NIBAN1: variants seen among roughly 807,000 people sequenced by gnomAD.
NIBAN1 encodes the protein niban apoptosis regulator 1, also known as protein Niban 1.
A neutral mutation model predicts 75.1 loss-of-function variants in NIBAN1; 81 were observed. That is an observed-to-expected ratio of 1.08 (90% CI 0.90 to 1.30). The LOEUF is 1.30. Ranked by LOEUF, NIBAN1 falls within the 50% of genes most tolerant of loss-of-function variation. NIBAN1 has a pLI of 0.00. For missense variants in NIBAN1, 1,133 were observed against 1,128.1 expected (o/e 1.00, Z -0.06); for synonymous variants, 436 against 424.8 (o/e 1.03, Z -0.32).
chr1:184,933,515 A>T (rs563611006), intron 1 of NIBAN1, among the ~76,000 whole-genome samples: 171 of 152,352 alleles, frequency 1.1e-3, no homozygotes, highest in Non-Finnish European at 2.1e-3. Context: ...GCACTTTCAC[A>T]TGCATTTATA....
chr1:184,854,328 A>G (rs571536184), intron 5 of NIBAN1, among the ~76,000 whole-genome samples: 86 of 152,314 alleles, frequency 5.6e-4, no homozygotes, highest in African/African-American at 1.9e-3. Context: ...TTACAAAGGG[A>G]TCTGTTTTAT....
At chr1:184,853,748 CAT>C (rs1491433277) in intron 5 of NIBAN1, among the ~76,000 whole-genome samples, 14 of 152,080 alleles carry the variant, frequency 9.2e-5, no homozygotes, top group Non-Finnish European at 1.8e-4. Context: ...CACATATACA[CAT>C]GTGCATACAC....
chr1:184,862,072 C>T (rs1655831684), intron 5 of NIBAN1, among the ~76,000 whole-genome samples: 1 of 152,170 alleles, frequency 6.6e-6, no homozygotes, highest in South Asian at 2.1e-4. Flanking sequence ...TAAGATTGAC[C>T]TGGCCTTTTC....
At chr1:184,963,291 A>G (rs1255259294) in intron 1 of NIBAN1, among the ~76,000 whole-genome samples, 5 of 152,200 alleles carry the variant, frequency 3.3e-5, no homozygotes, top group Non-Finnish European at 7.4e-5. Context: ...AAAAGGGGGG[A>G]GTATCCTTAA....
At chr1:184,825,114 C>T (rs1454776532) in intron 6 of NIBAN1, among the ~76,000 whole-genome samples, 1 of 152,218 alleles carries the variant, frequency 6.6e-6, no homozygotes, top group Non-Finnish European at 1.5e-5. Flanking sequence ...CTCAAAACAA[C>T]AGCAGTTCCT....
At chr1:184,953,429 A>G (rs1235235361) in intron 1 of NIBAN1, among the ~76,000 whole-genome samples, 1 of 152,240 alleles carries the variant, frequency 6.6e-6, no homozygotes, top group Non-Finnish European at 1.5e-5. Context: ...AATGAGACAT[A>G]TTATAAATAT....
At chr1:184,905,685 G>A (rs948994887) in intron 1 of NIBAN1, among the ~76,000 whole-genome samples, 4 of 152,034 alleles carry the variant, frequency 2.6e-5, no homozygotes, top group African/African-American at 4.8e-5. Flanking sequence ...CTCCCCAGCT[G>A]GAAGCAATCA....
At chr1:184,894,015 C>A in intron 3 of NIBAN1, 60 bp downstream of exon 3, 1 of 1,511,030 alleles carries the variant, frequency 6.6e-7, no homozygotes, top group South Asian at 1.4e-5. Context: ...GCACACCAAT[C>A]AACCGAGCCA....
At chr1:184,899,637 C>G (rs1023407298) in intron 1 of NIBAN1, among the ~76,000 whole-genome samples, 2 of 151,992 alleles carry the variant, frequency 1.3e-5, no homozygotes, top group Non-Finnish European at 2.9e-5. Flanking sequence ...TAGACTATCG[C>G]CATGACCATA....
At chr1:184,837,967 T>C (rs186194764) in intron 5 of NIBAN1, among the ~76,000 whole-genome samples, 4 of 152,352 alleles carry the variant, frequency 2.6e-5, no homozygotes, top group African/African-American at 9.6e-5. Flanking sequence ...AATTTATCTA[T>C]ATCTTCCTTA....
At chr1:184,903,411 T>C (rs1243767148) in intron 1 of NIBAN1, among the ~76,000 whole-genome samples, 6 of 152,216 alleles carry the variant, frequency 3.9e-5, no homozygotes, top group African/African-American at 7.2e-5. Context: ...GCAAATCTCA[T>C]GTTGAGATGT....
intron 6 of NIBAN1, among the ~76,000 whole-genome samples, chr1:184,825,488 T>C (rs1654819019): frequency 6.6e-6 from 1 of 152,070 alleles, no homozygotes; most frequent in African/African-American, 2.4e-5. Flanking sequence ...GGAACATTTA[T>C]GGGAGGGTAT....
At chr1:184,956,637 T>C (rs1436666761) in intron 1 of NIBAN1, among the ~76,000 whole-genome samples, 2 of 152,246 alleles carry the variant, frequency 1.3e-5, no homozygotes, top group African/African-American at 4.8e-5. Context: ...AGAGCACATA[T>C]ATTACCATAT....
chr1:184,926,372 G>A (rs1232492892), intron 1 of NIBAN1, among the ~76,000 whole-genome samples: 1 of 152,162 alleles, frequency 6.6e-6, no homozygotes, highest in East Asian at 1.9e-4. Context: ...AGAGTAGTTG[G>A]GGTTACAGGC....
intron 1 of NIBAN1, among the ~76,000 whole-genome samples, chr1:184,971,457 G>A (rs1270208685): frequency 1.3e-5 from 2 of 151,822 alleles, no homozygotes; most frequent in Admixed American, 1.3e-4. Context: ...AGATCACAAG[G>A]TCAGGAGATC....
At chr1:184,867,393 A>C (rs1480935393) in intron 5 of NIBAN1, among the ~76,000 whole-genome samples, 1 of 152,162 alleles carries the variant, frequency 6.6e-6, no homozygotes, top group Non-Finnish European at 1.5e-5. Context: ...AGCAAGAATG[A>C]CTCATTATTA....
intron 1 of NIBAN1, among the ~76,000 whole-genome samples, chr1:184,917,368 A>AT (rs1168037153): frequency 0.3 from 26,307 of 88,978 alleles, 4,481 homozygotes; most frequent in Non-Finnish European, 0.39. Flanking sequence ...CGCCCGGCTA[A>AT]TTTTTTTTTT....
intron 5 of NIBAN1, among the ~76,000 whole-genome samples, chr1:184,840,527 T>C (rs1324214444): frequency 6.6e-6 from 1 of 152,036 alleles, no homozygotes; most frequent in Non-Finnish European, 1.5e-5. Context: ...AAAGACATTG[T>C]TCTGAGATAA....
At chr1:184,835,817 T>C (rs1390454409) in intron 5 of NIBAN1, among the ~76,000 whole-genome samples, 1 of 152,248 alleles carries the variant, frequency 6.6e-6, no homozygotes, top group East Asian at 1.9e-4. Context: ...CCTCTTTTCC[T>C]AATTGAATAC....
Sources: allele counts gnomAD v4.1 joint callset (sites outside exome capture counted in the v4.1 genomes callset), GRCh38; gene constraint gnomAD v4.1.1; transcripts MANE v1.5; gene names NCBI Gene and HGNC (gene_info 2026-07-23, HGNC 2026-07-21).